The following ZDHHC21 variants were observed in gnomAD, a reference collection of about 807,000 sequenced individuals.
ZDHHC21 encodes palmitoyltransferase ZDHHC21.
In ZDHHC21, 15 loss-of-function variants were observed where a neutral mutation model predicts 34.6. That is an observed-to-expected ratio of 0.43 (90% CI 0.29 to 0.67). The LOEUF is 0.67. Ranked by LOEUF, ZDHHC21 falls within the 30% of genes least tolerant of loss-of-function variation. The pLI is 0.14. For missense variants in ZDHHC21, 344 were observed against 327.7 expected (o/e 1.05, Z -0.38); for synonymous variants, 142 against 101.8 (o/e 1.40, Z -2.38).
chr9:14,611,695 T>A lies in ZDHHC21; in HGVS notation c.*7271A>T, dbSNP rs1823327359. 6.6e-6 allele frequency: 1 copy of A among 151,998 alleles called. No individual in the cohort carries two copies. Among genetic ancestry groups the A allele is most frequent in the Admixed American group, 6.6e-5 (1 of 15,214 alleles). 9.4% of individuals were successfully genotyped at this position (151,998 alleles called of 1,614,324 possible). ...TTTGGCTATTCATTAAACTTGCCAGTTAGATCACACACAAAAAAACACTAA... is the reference window on the plus strand; with the variant it reads ...TTTGGCTATTCATTAAACTTGCCAGATAGATCACACACAAAAAAACACTAA... On this transcript the variant is annotated 3_prime_UTR_variant, in exon 10 of 10. Coordinates refer to ENST00000380916, the MANE Select transcript of ZDHHC21 (RefSeq NM_178566.6).
chr9:14,629,343 A>G (rs1280468509), intron 8 of ZDHHC21, among the ~76,000 whole-genome samples: 1 of 152,192 alleles, frequency 6.6e-6, no homozygotes, highest in Non-Finnish European at 1.5e-5. Flanking sequence ...AATACTACAG[A>G]AAAAAACCCT....
intron 7 of ZDHHC21, among the ~76,000 whole-genome samples, chr9:14,642,338 A>C (rs1338048574): frequency 6.6e-6 from 1 of 152,102 alleles, no homozygotes; most frequent in Non-Finnish European, 1.5e-5. Flanking sequence ...TCTGTCTTAG[A>C]TTTTTTTAGA....
Position 14,654,676 on chromosome 9 carries a change from T to G in ZDHHC21, c.504+4073A>C, listed in dbSNP as rs114197751. On this transcript the variant is annotated intron_variant, in intron 7 of 9. Coordinates refer to ENST00000380916, the MANE Select transcript of ZDHHC21 (RefSeq NM_178566.6). ...CAGAAATTATCAATGAAAGAAAGTA[T>G]CAAATGGAAATTCTAAAAGTGAAAA... Among the ~76,000 whole-genome samples the G allele has an allele frequency of 5.3e-3, 811 of 152,032 alleles. 8 individuals are homozygous for G. The highest frequency in any genetic ancestry group is 0.018 in the African/African-American group (758 of 41,500).
chr9:14,685,159 T>C (rs1221600246), intron 2 of ZDHHC21, among the ~76,000 whole-genome samples: 5 of 151,570 alleles, frequency 3.3e-5, no homozygotes, highest in African/African-American at 7.3e-5. Context: ...ACTTCATGTC[T>C]AAAACACCAA....
intron 8 of ZDHHC21, among the ~76,000 whole-genome samples, 161 bp downstream of exon 8, chr9:14,639,734 AC>A (rs1828993030): frequency 6.6e-6 from 1 of 152,156 alleles, no homozygotes; most frequent in Non-Finnish European, 1.5e-5. Context: ...TATACTTTGT[AC>A]TTGATTATAA....
At chr9:14,677,019 C>G (rs1445965596) in intron 3 of ZDHHC21, among the ~76,000 whole-genome samples, 1 of 151,926 alleles carries the variant, frequency 6.6e-6, no homozygotes, top group East Asian at 1.9e-4. Context: ...CATGAGCCAG[C>G]AAAACGACTG....
At chr9:14,645,915 G>A (rs1309295833) in intron 7 of ZDHHC21, among the ~76,000 whole-genome samples, 4 of 152,084 alleles carry the variant, frequency 2.6e-5, no homozygotes, top group Non-Finnish European at 5.9e-5. Context: ...TTAAGTATTA[G>A]TAAGGATATG....
chr9:14,627,690 A>G (rs1275372193), intron 8 of ZDHHC21, among the ~76,000 whole-genome samples: 1 of 152,174 alleles, frequency 6.6e-6, no homozygotes, highest in Non-Finnish European at 1.5e-5. Flanking sequence ...ATGGTACACA[A>G]TAGCTCACTG....
At chr9:14,690,237 G>A (rs946390010) in intron 2 of ZDHHC21, 100 bp downstream of exon 2, 3 of 404,438 alleles carry the variant, frequency 7.4e-6, no homozygotes, top group Admixed American at 3.1e-5. Context: ...TTGGTGGGGG[G>A]TTGGGGGTAG....
chr9:14,609,744 C>T (rs115743702), downstream of ZDHHC21, among the ~76,000 whole-genome samples: 439 of 152,106 alleles, frequency 2.9e-3, 2 homozygotes, highest in African/African-American at 9.8e-3. Context: ...TTTAAGAACA[C>T]GAAAAGTTCC....
At chr9:14,689,133 C>G (rs919879709) in intron 2 of ZDHHC21, among the ~76,000 whole-genome samples, 1 of 152,180 alleles carries the variant, frequency 6.6e-6, no homozygotes, top group African/African-American at 2.4e-5. Flanking sequence ...AAAAAAACTT[C>G]AAATATTACA....
chr9:14,624,154 T>C (rs574802696), intron 8 of ZDHHC21, among the ~76,000 whole-genome samples: 120 of 152,234 alleles, frequency 7.9e-4, no homozygotes, highest in African/African-American at 2.7e-3. Context: ...ACTATTTACA[T>C]AGTATTTACG....
At chr9:14,601,722 A>C in the ZDHHC21 span, among the ~76,000 whole-genome samples, 4 of 152,222 alleles carry the variant, frequency 2.6e-5, no homozygotes, top group Admixed American at 2.6e-4. Flanking sequence ...TACAATTCAT[A>C]ATAGCAAAAA....
chr9:14,610,929 C>A (rs1411930669), downstream of ZDHHC21: 1 of 151,860 alleles, frequency 6.6e-6, no homozygotes. Context: ...TATGGCAGAA[C>A]AATATCCTAA....
At chr9:14,654,687 T>A (rs1831871977) in intron 7 of ZDHHC21, among the ~76,000 whole-genome samples, 1 of 152,012 alleles carries the variant, frequency 6.6e-6, no homozygotes, top group South Asian at 2.1e-4. Flanking sequence ...CAAATGGAAA[T>A]TCTAAAAGTG....
intron 1 of ZDHHC21, among the ~76,000 whole-genome samples, chr9:14,692,287 TACC>T (rs781306744): frequency 6.6e-5 from 10 of 152,338 alleles, no homozygotes; most frequent in Non-Finnish European, 1.5e-4. Flanking sequence ...ATATTATTCT[TACC>T]ACAAGGAAAG....
chr9:14,632,550 T>A (rs1564232622), intron 8 of ZDHHC21, among the ~76,000 whole-genome samples: 5 of 60,362 alleles, frequency 8.3e-5, no homozygotes, highest in Admixed American at 1.7e-4. Flanking sequence ...AATGGTATCT[T>A]AGATATGACA....
Position 14,613,156 on chromosome 9 carries a change from G to C in ZDHHC21, c.*5810C>G, listed in dbSNP as rs1823606188. ...TGCCTACCTAAAAAAAAATCCAAAT[G>C]AGAAACATTTAAAATCCATTAAATT... On this transcript the variant is annotated 3_prime_UTR_variant, in exon 10 of 10. Transcript: ENST00000380916. The C allele has an allele frequency of 1.3e-5, 2 of 151,478 alleles. No homozygotes were observed. Among genetic ancestry groups the C allele is most frequent in the Admixed American group, 1.3e-4 (2 of 15,168 alleles). 9.4% of individuals were successfully genotyped at this position (151,478 alleles called of 1,614,324 possible).
the ZDHHC21 span, among the ~76,000 whole-genome samples, chr9:14,603,278 G>C: frequency 6.6e-6 from 1 of 151,918 alleles, no homozygotes; most frequent in South Asian, 2.1e-4. Flanking sequence ...AAGTATGATA[G>C]GAAATAAAAA....
Sources: allele counts gnomAD v4.1 joint callset (sites outside exome capture counted in the v4.1 genomes callset), GRCh38; gene constraint gnomAD v4.1.1; transcripts MANE v1.5; gene names NCBI Gene and HGNC (gene_info 2026-07-23, HGNC 2026-07-21).